The following SESN3 variants were observed in gnomAD, a reference collection of about 807,000 sequenced individuals.
The protein encoded by SESN3 is sestrin-3.
SESN3 carries 21 observed loss-of-function variants against 55.3 expected under a neutral mutation model. That is an observed-to-expected ratio of 0.38 (90% confidence interval 0.27 to 0.55). The LOEUF is 0.55. SESN3 is among the 20% of genes least tolerant of loss of function. SESN3 has a pLI of 0.76. For missense variants in SESN3, 408 were observed against 604.3 expected, an observed-to-expected ratio of 0.68 and a Z score of 3.41; for synonymous variants, 181 against 203.1, an observed-to-expected ratio of 0.89 and a Z score of 0.93.
intron 1 of SESN3, among the ~76,000 whole-genome samples, chr11:95,217,552 T>A (rs1205647199): frequency 6.6e-6 from 1 of 151,096 alleles, no homozygotes; most frequent in Non-Finnish European, 1.5e-5. Context: ...CTTGGGAGGC[T>A]GAGGCAGGAG....
At chr11:95,224,428 A>G in intron 1 of SESN3, 1 of 427,236 alleles carries the variant, frequency 2.3e-6, no homozygotes, top group East Asian at 7.4e-5. Flanking sequence ...AGTGATAAAA[A>G]GAATGGTCAG....
chr11:95,177,214 A>G (rs1859974407), intron 8 of SESN3, among the ~76,000 whole-genome samples: 1 of 152,154 alleles, frequency 6.6e-6, no homozygotes, highest in African/African-American at 2.4e-5. Flanking sequence ...CTAAATTTAG[A>G]GGTCATTAAT....
intron 1 of SESN3, among the ~76,000 whole-genome samples, chr11:95,216,039 A>C (rs1219237465): frequency 1.3e-5 from 2 of 148,502 alleles, no homozygotes; most frequent in Non-Finnish European, 3.0e-5. Flanking sequence ...CGGAGCTTGC[A>C]GTGAGCCGAG....
At chr11:95,232,378 G>T (rs1160708312), upstream of SESN3, 1 of 152,250 alleles carries the variant, frequency 6.6e-6, no homozygotes, top group Non-Finnish European at 1.5e-5. Flanking sequence ...AAAGGCCGGC[G>T]CAGAGCGAGA....
At chr11:95,185,911 C>T (rs1034432888) in intron 4 of SESN3, among the ~76,000 whole-genome samples, 1 of 151,984 alleles carries the variant, frequency 6.6e-6, no homozygotes, top group Non-Finnish European at 1.5e-5. Context: ...AGTCAAGTTT[C>T]AGTTATCCTT....
At chr11:95,224,353 T>C (rs535213675) in intron 1 of SESN3, 5 of 363,744 alleles carry the variant, frequency 1.4e-5, no homozygotes, top group African/African-American at 4.3e-5. Flanking sequence ...CTGATAAACA[T>C]TTCCTCAAAA....
chr11:95,197,567 C>T (rs1860385971), intron 1 of SESN3, among the ~76,000 whole-genome samples: 2 of 152,010 alleles, frequency 1.3e-5, no homozygotes, highest in Admixed American at 1.3e-4. Context: ...GCCTCAGCCT[C>T]CCGAGTTGCT....
At chr11:95,222,234 C>A (rs2134268213) in intron 1 of SESN3, among the ~76,000 whole-genome samples, 1 of 152,272 alleles carries the variant, frequency 6.6e-6, no homozygotes, top group East Asian at 1.9e-4. Flanking sequence ...GACCCTGTCT[C>A]TTGGTGGGAC....
rs1276782659 is a variant in SESN3, at chr11:95,178,775, G to T, written c.991C>A (p.Pro331Thr). 1.9e-6 allele frequency: 3 copies of T among 1,612,658 alleles called. No homozygotes were observed. The African/African-American group carries it at 4.0e-5, about 22-fold the overall frequency. Residue 331 changes from proline to threonine, a missense_variant, in exon 7 of 10, where the codon CCT (proline) becomes ACT (threonine). By Grantham distance (38) the Pro-to-Thr change is conservative. Coordinates refer to ENST00000536441, the MANE Select transcript of SESN3 (RefSeq NM_144665.4). ...GCAAAGTCTTCATACCCAAAACCAG[G>T]GTCTTCAATATATCGAGAGACATCA... ...TSDVSRYIEDPGFGYEDFARR... is the reference protein window; with the variant it reads ...TSDVSRYIEDTGFGYEDFARR...
Position 95,230,726 on chromosome 11 carries a change from G to A in SESN3, c.78+57C>T, listed in dbSNP as rs1375348388. 4 of 1,393,178 alleles carry A rather than the reference G, an allele frequency of 2.9e-6. No homozygotes were observed. The highest frequency in any genetic ancestry group is 2.9e-5 in the African/African-American group (2 of 69,354). The allele number at this position is 1,393,178 out of a possible 1,614,324, so 86.3% of individuals were successfully genotyped here. ...GTGCGCGCCCGGGGACGAGCCGCCC[G>A]AGCCCCGGCCGGCAGGAAGCGACCC... On this transcript the variant is annotated intron_variant, in intron 1 of 9. Coordinates refer to ENST00000536441, the MANE Select transcript of SESN3 (RefSeq NM_144665.4). The surrounding 1 kb of genome is among the most constrained non-coding windows in gnomAD (Gnocchi z 4.6).
chr11:95,186,243 G>GTGTGTGTGTGTGTGTGT (rs1860164680), intron 4 of SESN3, among the ~76,000 whole-genome samples: 1 of 58,462 alleles, frequency 1.7e-5, no homozygotes, highest in Non-Finnish European at 3.9e-5. Flanking sequence ...TGTGTGTGTG[G>GTGTGTGTGTGTGTGTGT]TGTATGTAAG....
At chr11:95,195,033 A>C (rs1182175972) in intron 1 of SESN3, among the ~76,000 whole-genome samples, 1 of 152,160 alleles carries the variant, frequency 6.6e-6, no homozygotes, top group Non-Finnish European at 1.5e-5. Context: ...ATTATGAGGA[A>C]AAATTATGAT....
chr11:95,173,129 A>C lies in SESN3; in HGVS notation c.*126T>G, dbSNP rs1859885422. 1.3e-5 allele frequency: 7 copies of C among 546,530 alleles called. No homozygotes were observed. Among genetic ancestry groups the C allele is most frequent in the Middle Eastern group, 4.8e-4 (1 of 2,076 alleles). 33.9% of individuals were successfully genotyped at this position (546,530 alleles called of 1,614,324 possible). ...ACAGCCGCAAAAAACAAAAAAAAAA[A>C]AACAAACGGCTAAACTTTGACACTA... On this transcript the variant is annotated 3_prime_UTR_variant, in exon 10 of 10. Transcript: ENST00000536441.
intron 1 of SESN3, among the ~76,000 whole-genome samples, chr11:95,207,358 G>A (rs1428006110): frequency 6.6e-6 from 1 of 151,470 alleles, no homozygotes; most frequent in African/African-American, 2.4e-5. Flanking sequence ...CTAGAGGTAA[G>A]GTGATACGAT....
At position 95,230,506 on chromosome 11, in the gene SESN3, G is replaced by A; in HGVS notation, c.78+277C>T. The A allele has an allele frequency of 2.5e-6, 1 of 403,932 alleles. No homozygotes were observed. The allele number at this position is 403,932 out of a possible 1,614,324, so 25.0% of individuals were successfully genotyped here. ...ACCCGGGGTAGCAAGGTAGGGAAAT[G>A]AGCCGTAAAGGAGAGCAAAGGCACC... is the stretch of plus-strand genomic sequence containing the variant. On this transcript the variant is annotated intron_variant, in intron 1 of 9. Transcript: ENST00000536441. The surrounding 1 kb of genome is among the most constrained non-coding windows in gnomAD (Gnocchi z 4.6).
Position 95,231,190 on chromosome 11 carries a change from AGC to A in SESN3, c.-332_-331del. 5.0e-6 allele frequency: 1 copy of A among 200,914 alleles called. No individual in the cohort carries two copies. The allele number at this position is 200,914 out of a possible 1,614,324, so 12.4% of individuals were successfully genotyped here. On this transcript the variant is annotated 5_prime_UTR_variant, in exon 1 of 10. Coordinates refer to ENST00000536441, the MANE Select transcript of SESN3 (RefSeq NM_144665.4). Reference sequence around the variant, plus strand: ...CTGCCACCGCCACCACCGCCGCCGCAGCGCCTCAGTGCGGCCCCGCCTCCGCC... The same window carrying A: ...CTGCCACCGCCACCACCGCCGCCGCAGCCTCAGTGCGGCCCCGCCTCCGCC...
rs938927347 is a variant in SESN3, at chr11:95,169,046, C to T, written c.*4209G>A. 1 of 152,254 alleles carries T rather than the reference C, an allele frequency of 6.6e-6. No homozygotes were observed. Among genetic ancestry groups the T allele is most frequent in the South Asian group, 2.1e-4 (1 of 4,828 alleles). The allele number at this position is 152,254 out of a possible 1,614,324, so 9.4% of individuals were successfully genotyped here. ...CTCTTCCTTCCTCATAGGGCTCTGC[C>T]TTGACATATACCTCTACCTCTCTTA... On this transcript the variant is annotated 3_prime_UTR_variant, in exon 10 of 10. Transcript: ENST00000536441.
upstream of SESN3, chr11:95,231,914 A>T (rs1861077789): frequency 6.6e-6 from 1 of 152,124 alleles, no homozygotes; most frequent in Non-Finnish European, 1.5e-5. Context: ...ATCGAGTTTG[A>T]GGGGAGAGAC....
intron 1 of SESN3, among the ~76,000 whole-genome samples, chr11:95,198,030 C>G (rs1860394175): frequency 6.6e-6 from 1 of 152,168 alleles, no homozygotes; most frequent in Non-Finnish European, 1.5e-5. Flanking sequence ...ACCATACATA[C>G]CAGCAACCCT....
Sources: allele counts gnomAD v4.1 joint callset (sites outside exome capture counted in the v4.1 genomes callset), GRCh38; gene constraint gnomAD v4.1.1; non-coding constraint Gnocchi (gnomAD v3.1); transcripts MANE v1.5; gene names NCBI Gene and HGNC (gene_info 2026-07-23, HGNC 2026-07-21).